TTN: variants seen among roughly 807,000 people sequenced by gnomAD.
TTN encodes connectin.
Under a neutral mutation model 3,223.0 loss-of-function variants are expected in TTN, and 1,525 were observed. The observed-to-expected ratio is 0.47, with a 90% CI of 0.45 to 0.49. TTN has a LOEUF of 0.49. Among genes scored for constraint, TTN ranks in the 20% least tolerant of loss-of-function variants. TTN has a pLI of 0.00. For missense variants in TTN, 40,786 were observed against 43,424.0 expected, an observed-to-expected ratio of 0.94 and a Z score of 5.40; for synonymous variants, 14,094 against 15,161.0, an observed-to-expected ratio of 0.93 and a Z score of 5.17.
At chr2:178,652,401 A>G (rs1389881972) in intron 202 of TTN, 54 bp from the exon 203 acceptor site, 1 of 1,613,076 alleles carries the variant, frequency 6.2e-7, no homozygotes, top group African/African-American at 1.3e-5. Flanking sequence ...CACTAGAAAA[A>G]TACTTTCCAG....
chr2:178,622,158 C>A, intron 243 of TTN, 150 bp from the exon 244 acceptor site: 1 of 703,234 alleles, frequency 1.4e-6, no homozygotes, highest in Non-Finnish European at 2.3e-6. Context: ...CAAATATAAA[C>A]AAACCCCAAA....
chr2:178,618,873 G>T lies in TTN; in HGVS notation c.46697-20C>A, dbSNP rs780158314. 2 of 1,603,434 alleles carry T rather than the reference G, an allele frequency of 1.2e-6. No individual in the cohort carries two copies. The highest frequency in any genetic ancestry group is 2.2e-5 in the South Asian group (2 of 89,108). The stretch of plus-strand genomic sequence containing the variant: ...GTGCAGCTAGTGAGAAAGATAACAT[G>T]TGAACGCTTTCGACTATTAAACGTA... On this transcript the variant is annotated intron_variant, in intron 250 of 362. Coordinates refer to ENST00000589042, the MANE Select transcript of TTN (RefSeq NM_001267550.2).
Position 178,607,493 on chromosome 2 carries a change from T to C in TTN, c.53195A>G (p.Lys17732Arg), listed in dbSNP as rs2055177922. Residue 17732 changes from lysine to arginine, a missense_variant, in exon 277 of 363, where the codon AAG (lysine) becomes AGG (arginine). Transcript: ENST00000589042. The stretch of plus-strand genomic sequence containing the variant: ...GCCATGGTCTTTTCGCAGTGCATCC[T>C]TGATAATTAGTTCAGATTTGGTTCC... ...NVGTKSELII[K>R]DALRKDHGRY... is the part of the protein sequence containing the mutation. The C allele has an allele frequency of 6.2e-7, 1 of 1,613,176 alleles. No homozygotes were observed. Among genetic ancestry groups the C allele is most frequent in the Admixed American group, 1.7e-5 (1 of 59,960 alleles).
Position 178,728,671 on chromosome 2 carries a change from G to A in TTN, c.19255C>T (p.Leu6419Phe). The A allele has an allele frequency of 6.2e-7, 1 of 1,613,304 alleles. No homozygotes were observed. Among genetic ancestry groups the A allele is most frequent in the African/African-American group, 1.3e-5 (1 of 74,992 alleles). ...AGTPELKVKW[L>F]KDGKQIVPSR... Reference sequence around the variant, plus strand: ...GGAACTATTTGTTTCCCGTCTTTAAGCCATTTCACTTTGAGTTCTGGTGTT... The same window carrying A: ...GGAACTATTTGTTTCCCGTCTTTAAACCATTTCACTTTGAGTTCTGGTGTT... The change falls in exon 66 of 363, where the codon CTT becomes TTT. Residue 6419 changes from leucine (L) to phenylalanine (F), a missense_variant. Coordinates refer to ENST00000589042, the MANE Select transcript of TTN (RefSeq NM_001267550.2).
At chr2:178,670,149 G>T (rs1432000067) in intron 157 of TTN, 69 bp downstream of exon 157, 1 of 971,808 alleles carries the variant, frequency 1.0e-6, no homozygotes. Context: ...AGAAGAGAAA[G>T]GTCTCTCTTA....
Position 178,567,785 on chromosome 2 carries a change from C to T in TTN, c.78347G>A (p.Gly26116Asp). 1.2e-6 allele frequency: 2 copies of T among 1,613,490 alleles called. No homozygotes were observed. Among genetic ancestry groups the T allele is most frequent in the Non-Finnish European group, 1.7e-6 (2 of 1,179,592 alleles). ...TLQWTKPVYD[G>D]GSMITGYIVE... ...AATGTAGCCTGTAATCATACTTCCA[C>T]CATCATACACAGGTTTGGTCCACTG... The change falls in exon 326 of 363, where the codon GGT (glycine) becomes GAT (aspartate). Residue 26116 changes from glycine (G) to aspartate (D), a missense_variant. Gly to Asp is a moderately conservative substitution (Grantham distance 94). Coordinates refer to ENST00000589042, the MANE Select transcript of TTN (RefSeq NM_001267550.2).
At chr2:178,779,908 C>T in intron 22 of TTN, 92 bp downstream of exon 22, 4 of 1,335,916 alleles carry the variant, frequency 3.0e-6, no homozygotes, top group Non-Finnish European at 3.2e-6. Context: ...CTGTCTAACC[C>T]CGAGCTCATC....
chr2:178,649,883 G>A lies in TTN; in HGVS notation c.39829C>T (p.Pro13277Ser). The A allele has an allele frequency of 6.2e-7, 1 of 1,608,988 alleles. No individual in the cohort carries two copies. The highest frequency in any genetic ancestry group is 8.5e-7 in the Non-Finnish European group (1 of 1,178,728). The change falls in exon 211 of 363, where the codon CCC becomes TCC. Residue 13277 changes from proline (P) to serine (S), a missense_variant. Pro to Ser is a moderately conservative substitution (Grantham distance 74, BLOSUM62 -1). Coordinates refer to ENST00000589042, the MANE Select transcript of TTN (RefSeq NM_001267550.2). ...TTCTTCTCTGGGATGATCTTCTTGG[G>A]CTCTTCAGGCACTTGAATAATAGGA... ...EVPPPAVPEE[P>S]KKIIPEKKVP...
rs755341733 is a variant in TTN, at chr2:178,576,754, C to A, written c.69490G>T (p.Val23164Leu). 3 of 1,613,520 alleles carry A rather than the reference C, an allele frequency of 1.9e-6. No individual in the cohort carries two copies. Among genetic ancestry groups the A allele is most frequent in the Non-Finnish European group, 2.5e-6 (3 of 1,179,628 alleles). Residue 23164 changes from valine (V) to leucine (L), a missense_variant, in exon 325 of 363, where the codon GTG becomes TTG. By Grantham distance (32) the Val-to-Leu change is conservative. Coordinates refer to ENST00000589042, the MANE Select transcript of TTN (RefSeq NM_001267550.2). This position sits in a 1 kb window ranked among gnomAD's most constrained non-coding sequence, Gnocchi z 4.3. ...GTAATTTCGCTGCCACCATCATCCACTGGCCTTTTCCAGCTGACAGTGGCA... is the reference window on the plus strand; with the variant it reads ...GTAATTTCGCTGCCACCATCATCCAATGGCCTTTTCCAGCTGACAGTGGCA... ...NTATVSWKRP[V>L]DDGGSEITGY...
chr2:178,696,158 G>A lies in TTN; in HGVS notation c.30914C>T (p.Ala10305Val). The change falls in exon 114 of 363, where the codon GCA (alanine) becomes GTA (valine). Residue 10305 changes from alanine (A) to valine (V), a missense_variant. Physicochemically the swap from Ala to Val is moderately conservative, Grantham distance 64. Transcript: ENST00000589042. ...EKEAVYEKKQAVHKEKRVFIE... is the reference protein window; with the variant it reads ...EKEAVYEKKQVVHKEKRVFIE... ...GAAGACTCTCTTCTCCTTGTGGACT[G>A]CTTGCTTTTTCTCATACACAGCTTC... is the stretch of plus-strand genomic sequence containing the variant. The A allele has an allele frequency of 1.3e-6, 2 of 1,555,126 alleles. No individual in the cohort carries two copies. Among genetic ancestry groups the A allele is most frequent in the Non-Finnish European group, 1.7e-6 (2 of 1,148,166 alleles).
Position 178,770,491 on chromosome 2 carries a change from T to G in TTN, c.8301A>C (p.Lys2767Asn). ...CAGACTCATCCACGATGGCACAGTT[T>G]TTAATCCTCAGAGAGTAAATTGTTC... The part of the protein sequence containing the change: ...VKGTIYSLRI[K>N]NCAIVDESVY... Residue 2767 changes from lysine to asparagine, a missense_variant, in exon 35 of 363, where the codon AAA becomes AAC. By Grantham distance (94) the Lys-to-Asn change is moderately conservative. Transcript: ENST00000589042. 6.2e-7 allele frequency: 1 copy of G among 1,614,150 alleles called. No individual in the cohort carries two copies. The highest frequency in any genetic ancestry group is 2.2e-5 in the East Asian group (1 of 44,872).
chr2:178,677,824 A>T lies in TTN; in HGVS notation c.34088T>A (p.Val11363Asp), dbSNP rs766370278. ...FEEEIVPEEE[V>D]LPEEEEVLPE... is the part of the protein sequence containing the mutation. ...TAGAACTTCCTCTTCCTCAGGTAGA[A>T]CTTCCTCTTCAGGAACAATTTCTTC... is the stretch of plus-strand genomic sequence containing the variant. Residue 11363 changes from valine (V) to aspartate (D), a missense_variant, in exon 146 of 363, where the codon GTT becomes GAT. Transcript: ENST00000589042. 6.8e-6 allele frequency: 11 copies of T among 1,612,552 alleles called. No individual in the cohort carries two copies. The highest frequency in any genetic ancestry group is 9.3e-6 in the Non-Finnish European group (11 of 1,179,158).
chr2:178,748,424 G>A (rs2154327900), intron 47 of TTN: 3 of 1,613,134 alleles, frequency 1.9e-6, no homozygotes, highest in African/African-American at 2.7e-5. Context: ...GATATTGTGT[G>A]TGTCAGGTTG....
chr2:178,735,010 G>T, intron 50 of TTN, 22 bp from the exon 51 acceptor site: 1 of 1,506,138 alleles, frequency 6.6e-7, no homozygotes, highest in Non-Finnish European at 8.9e-7. Context: ...TTACAAAAAA[G>T]AAAAAGGAGA....
chr2:178,796,664 T>C (rs2093785632), intron 6 of TTN, among the ~76,000 whole-genome samples: 1 of 152,186 alleles, frequency 6.6e-6, no homozygotes, highest in African/African-American at 2.4e-5. Flanking sequence ...CAAAGAGACA[T>C]GTGCTTTTAA....
chr2:178,686,411 C>T (rs576111710), intron 127 of TTN, among the ~76,000 whole-genome samples: 7 of 104,772 alleles, frequency 6.7e-5, no homozygotes, highest in Middle Eastern at 4.1e-3. Context: ...TGAGCCACCG[C>T]GCCCGGCCAG....
rs749170112 is a variant in TTN at position 178,741,733 on chromosome 2, C to G, written c.11500G>C (p.Gly3834Arg). The G allele has an allele frequency of 1.2e-6, 2 of 1,613,676 alleles. No homozygotes were observed. Among genetic ancestry groups the G allele is most frequent in the Admixed American group, 3.3e-5 (2 of 59,974 alleles). The change falls in exon 48 of 363, where the codon GGG (glycine) becomes CGG (arginine). Residue 3834 changes from glycine (G) to arginine (R), a missense_variant. Physicochemically the swap from Gly to Arg is moderately radical, Grantham distance 125. Coordinates refer to ENST00000589042, the MANE Select transcript of TTN (RefSeq NM_001267550.2). ...GTTACAGACAGTGTAGCCACATCCC[C>G]CATGCTTATATCAGCATTTGACACT... ...KEVSNADISM[G>R]DVATLSVTVI...
In TTN at chr2:178,741,998, C is replaced by G. The variant is rs150668044; in HGVS notation, c.11312-77G>C. ...AAAATAGAAATCAAAGAATTAGACA[C>G]CAGTTGATGGCCTTCTTCTGCTTTA... On this transcript the variant is annotated intron_variant, in intron 47 of 362. Coordinates refer to ENST00000589042, the MANE Select transcript of TTN (RefSeq NM_001267550.2). 1,454 of 1,084,922 alleles carry G rather than the reference C, an allele frequency of 1.3e-3. 15 individuals carry two copies. In the African/African-American group the frequency reaches 0.022, roughly 16 times the overall value. 67.2% of individuals were successfully genotyped at this position (1,084,922 alleles called of 1,614,324 possible). A position where few individuals can be genotyped will look rare whatever the true frequency, so the allele number is the denominator to read the frequency against.
intron 47 of TTN, chr2:178,746,922 C>T: frequency 6.2e-7 from 1 of 1,613,532 alleles, no homozygotes; most frequent in African/African-American, 1.3e-5. Context: ...CGCCATATTT[C>T]ATAAGCTGAA....
Sources: gnomAD v4.1 joint callset for allele counts (sites outside exome capture counted in the v4.1 genomes callset) on GRCh38, gnomAD v4.1.1 for gene constraint, Gnocchi (gnomAD v3.1) non-coding constraint, MANE v1.5 for transcripts, NCBI Gene and HGNC (gene_info 2026-07-23, HGNC 2026-07-21) for gene names.